Variants in SLC35D4 observed in about 807,000 individuals in gnomAD.
SLC35D4 encodes the protein UDP-N-acetylglucosamine transporter SLC35D4.
chr18:23,371,766 G>C, the SLC35D4 span, among the ~76,000 whole-genome samples: 5 of 151,622 alleles, frequency 3.3e-5, no homozygotes, highest in East Asian at 9.7e-4. Flanking sequence ...AACCCCTCTG[G>C]TTGTATGTAC....
chr18:23,275,622 C>CCG, the SLC35D4 span, among the ~76,000 whole-genome samples: 2 of 143,490 alleles, frequency 1.4e-5, no homozygotes, highest in African/African-American at 5.2e-5. Context: ...CTGTGCTGTG[C>CCG]TGTGCTGTGC....
At chr18:23,411,537 GA>G in the SLC35D4 span, among the ~76,000 whole-genome samples, 8 of 150,906 alleles carry the variant, frequency 5.3e-5, no homozygotes, top group Non-Finnish European at 8.9e-5. Flanking sequence ...AAGAAAGAAA[GA>G]AAGAAAGAAA....
the SLC35D4 span, chr18:23,257,483 G>GAAGA: frequency 8.3e-7 from 1 of 1,197,822 alleles, no homozygotes. Context: ...TCTTCCTCTC[G>GAAGA]ACATAGTTTG....
At chr18:23,411,548 A>AGAAGGAAG in the SLC35D4 span, among the ~76,000 whole-genome samples, 2 of 150,286 alleles carry the variant, frequency 1.3e-5, no homozygotes, top group Non-Finnish European at 3.0e-5. Context: ...AAAGAAAGAA[A>AGAAGGAAG]GAAAGGTGTG....
the SLC35D4 span, chr18:23,259,672 G>T: frequency 1.3e-5 from 2 of 152,240 alleles, no homozygotes; most frequent in Non-Finnish European, 2.9e-5. Context: ...GGAAGTGGAG[G>T]AGGGTGAGAG....
the SLC35D4 span, chr18:23,421,391 C>A: frequency 6.2e-7 from 1 of 1,614,050 alleles, no homozygotes; most frequent in Non-Finnish European, 8.5e-7. Context: ...GATCTCTACC[C>A]AGCCCAGTTT....
the SLC35D4 span, among the ~76,000 whole-genome samples, chr18:23,411,823 C>T: frequency 5.7e-4 from 87 of 152,236 alleles, no homozygotes; most frequent in Middle Eastern, 6.8e-3. Context: ...ACAAAACTGT[C>T]GTTATTGAGA....
the SLC35D4 span, among the ~76,000 whole-genome samples, chr18:23,352,820 T>C: frequency 6.6e-6 from 1 of 152,216 alleles, no homozygotes; most frequent in Non-Finnish European, 1.5e-5. Flanking sequence ...ATAGGAGGTA[T>C]GCTTTGGAAA....
chr18:23,293,381 T>C, the SLC35D4 span, among the ~76,000 whole-genome samples: 2 of 152,230 alleles, frequency 1.3e-5, no homozygotes, highest in Admixed American at 6.5e-5. Context: ...GTAATGTTGA[T>C]AGTACATTTT....
At chr18:23,366,671 T>A in the SLC35D4 span, among the ~76,000 whole-genome samples, 1 of 152,170 alleles carries the variant, frequency 6.6e-6, no homozygotes, top group Non-Finnish European at 1.5e-5. Flanking sequence ...GGAAGACGGC[T>A]GTGAGCAAAA....
chr18:23,304,208 C>T, the SLC35D4 span, among the ~76,000 whole-genome samples: 3 of 144,468 alleles, frequency 2.1e-5, no homozygotes, highest in South Asian at 4.4e-4. Flanking sequence ...ACCCAGGAGG[C>T]GGAGCTTGCA....
At chr18:23,385,321 T>G in the SLC35D4 span, among the ~76,000 whole-genome samples, 6 of 152,172 alleles carry the variant, frequency 3.9e-5, no homozygotes, top group African/African-American at 1.4e-4. Flanking sequence ...AGGCACTGCA[T>G]CCGGTACAGA....
chr18:23,294,006 A>G, the SLC35D4 span, among the ~76,000 whole-genome samples: 2 of 152,040 alleles, frequency 1.3e-5, no homozygotes, highest in African/African-American at 4.8e-5. Context: ...TGTGTTGCCC[A>G]GACTGGTCTC....
chr18:23,351,224 T>C, the SLC35D4 span, among the ~76,000 whole-genome samples: 3 of 152,188 alleles, frequency 2.0e-5, no homozygotes, highest in Admixed American at 6.5e-5. Context: ...CTGGCCAACA[T>C]GGTCAAACTC....
At chr18:23,300,193 G>A in the SLC35D4 span, among the ~76,000 whole-genome samples, 2 of 152,128 alleles carry the variant, frequency 1.3e-5, no homozygotes, top group Non-Finnish European at 2.9e-5. Flanking sequence ...AAAGGGAGGC[G>A]TTCTTTTTGC....
chr18:23,371,932 T>TTTTTTTTTG, the SLC35D4 span, among the ~76,000 whole-genome samples: 1 of 21,814 alleles, frequency 4.6e-5, no homozygotes, highest in Admixed American at 7.9e-4. Flanking sequence ...CCTTGTTTTT[T>TTTTTTTTTG]TTGTTTTTTT....
the SLC35D4 span, among the ~76,000 whole-genome samples, chr18:23,289,723 C>A: frequency 6.6e-6 from 1 of 152,168 alleles, no homozygotes; most frequent in African/African-American, 2.4e-5. Flanking sequence ...CGGTTCCTGC[C>A]TTAACTGATG....
chr18:23,341,023 A>G, the SLC35D4 span, among the ~76,000 whole-genome samples: 1 of 152,030 alleles, frequency 6.6e-6, no homozygotes, highest in East Asian at 1.9e-4. Flanking sequence ...ACTCACACAC[A>G]CCACATCTTC....
At chr18:23,431,777 G>A in the SLC35D4 span, among the ~76,000 whole-genome samples, 1 of 152,040 alleles carries the variant, frequency 6.6e-6, no homozygotes, top group Admixed American at 6.6e-5. Context: ...ATGAGTGAAG[G>A]AATTGTGTTT....
Sources: gnomAD v4.1 joint callset for allele counts (sites outside exome capture counted in the v4.1 genomes callset) on GRCh38, gnomAD v4.1.1 for gene constraint, MANE v1.5 for transcripts, NCBI Gene and HGNC (gene_info 2026-07-23, HGNC 2026-07-21) for gene names.